RNF185: variants seen among roughly 807,000 people sequenced by gnomAD.
RNF185 encodes the protein E3 ubiquitin-protein ligase RNF185.
RNF185 carries 13 observed loss-of-function variants against 24.9 expected under a neutral mutation model. That is an observed-to-expected ratio of 0.52 (90% CI 0.34 to 0.83). The LOEUF is 0.83. Among genes scored for constraint, RNF185 ranks in the 40% least tolerant of loss-of-function variants. RNF185 has a pLI of 0.01. For synonymous variants in RNF185, 79 were observed against 90.3 expected (o/e 0.88, Z 0.71); for missense variants, 184 against 244.7 (o/e 0.75, Z 1.65).
Position 31,167,207 on chromosome 22 carries a change from A to G in RNF185, c.-49+6904A>G, listed in dbSNP as rs117802418. Among the ~76,000 whole-genome samples, 438 of 152,050 alleles carry G rather than the reference A, an allele frequency of 2.9e-3. 2 individuals carry two copies. The highest frequency in any genetic ancestry group is 0.022 in the South Asian group (104 of 4,808). On this transcript the variant is annotated intron_variant, in intron 1 of 6. Transcript: ENST00000326132. Reference sequence around the variant, plus strand: ...TAAATTTTTTTTGAGATAGGGTCTCACTCTGTGGCCTAGGCTGAAGTGTAG... The same window carrying G: ...TAAATTTTTTTTGAGATAGGGTCTCGCTCTGTGGCCTAGGCTGAAGTGTAG...
chr22:31,166,102 G>C (rs949398729), intron 1 of RNF185, among the ~76,000 whole-genome samples: 2 of 151,876 alleles, frequency 1.3e-5, no homozygotes, highest in Admixed American at 1.3e-4. Flanking sequence ...AGCAATTCTC[G>C]TGCCTCAGTT....
Position 31,182,538 on chromosome 22 carries a change from G to A in RNF185, c.-48-4509G>A, listed in dbSNP as rs2078699337. On this transcript the variant is annotated intron_variant, in intron 1 of 6. Coordinates refer to ENST00000326132, the MANE Select transcript of RNF185 (RefSeq NM_152267.4). The stretch of plus-strand genomic sequence containing the variant: ...TGGTCTCCACCTCCTGAGCTCAAGC[G>A]ATCCACCTACCTTGGCCTCCCAAAG... 2.0e-5 allele frequency among the ~76,000 whole-genome samples: 3 copies of A among 152,190 alleles called. No individual in the cohort carries two copies. The South Asian group carries it at 6.2e-4, about 32-fold the overall frequency.
At chr22:31,188,844 G>C (rs2048124848) in intron 2 of RNF185, among the ~76,000 whole-genome samples, 1 of 151,834 alleles carries the variant, frequency 6.6e-6, no homozygotes, top group South Asian at 2.1e-4. Flanking sequence ...TTCTGGGCTG[G>C]GCGCGGTGGC....
intron 1 of RNF185, among the ~76,000 whole-genome samples, chr22:31,172,439 G>C (rs1268831997): frequency 1.3e-5 from 2 of 150,556 alleles, no homozygotes; most frequent in Non-Finnish European, 2.9e-5. Context: ...GCTAGGCACT[G>C]TTTCATACTT....
At chr22:31,198,952 T>C (rs1250787733) in intron 5 of RNF185, among the ~76,000 whole-genome samples, 2 of 150,876 alleles carry the variant, frequency 1.3e-5, no homozygotes, top group Non-Finnish European at 3.0e-5. Context: ...ACATAAAAAT[T>C]AGCCGGGTGT....
chr22:31,174,852 C>T (rs2047965558), intron 1 of RNF185, among the ~76,000 whole-genome samples: 1 of 151,386 alleles, frequency 6.6e-6, no homozygotes, highest in South Asian at 2.1e-4. Flanking sequence ...GGCGGATCAC[C>T]TGAGGTCAGG....
chr22:31,195,863 G>A (rs1278756787), intron 4 of RNF185, among the ~76,000 whole-genome samples: 2 of 152,222 alleles, frequency 1.3e-5, no homozygotes, highest in Non-Finnish European at 2.9e-5. Context: ...AGCAGGAGAG[G>A]CTCCAGGGAG....
At chr22:31,162,312 G>C (rs907341141) in intron 1 of RNF185, among the ~76,000 whole-genome samples, 1 of 152,116 alleles carries the variant, frequency 6.6e-6, no homozygotes, top group African/African-American at 2.4e-5. Context: ...CAGGTACTGG[G>C]TAAAATGATC....
intron 1 of RNF185, among the ~76,000 whole-genome samples, chr22:31,162,575 G>T (rs1602777253): frequency 6.6e-6 from 1 of 151,344 alleles, no homozygotes; most frequent in East Asian, 1.9e-4. Flanking sequence ...TATAAGCCAA[G>T]ATAATAACTT....
intron 1 of RNF185, 94 bp from the exon 2 acceptor site, chr22:31,186,953 C>A: frequency 1.1e-6 from 1 of 886,396 alleles, no homozygotes; most frequent in Non-Finnish European, 1.8e-6. Context: ...CAGTCATAAT[C>A]AGCTCTGGAG....
At chr22:31,200,526 C>G (rs1360815202) in intron 5 of RNF185, among the ~76,000 whole-genome samples, 1 of 152,212 alleles carries the variant, frequency 6.6e-6, no homozygotes, top group Non-Finnish European at 1.5e-5. Context: ...TTTATATGTC[C>G]TAGTGCTTAA....
chr22:31,166,152 G>A lies in RNF185; in HGVS notation c.-49+5849G>A, dbSNP rs185749964. On this transcript the variant is annotated intron_variant, in intron 1 of 6. Coordinates refer to ENST00000326132, the MANE Select transcript of RNF185 (RefSeq NM_152267.4). Reference sequence around the variant, plus strand: ...ATTACAGGCAAGTGCCACCATGCCCGACTAATTTTTGTATTTTTAGTAGAG... The same window carrying A: ...ATTACAGGCAAGTGCCACCATGCCCAACTAATTTTTGTATTTTTAGTAGAG... 3.0e-4 allele frequency among the ~76,000 whole-genome samples: 45 copies of A among 151,978 alleles called. No homozygotes were observed. In the East Asian group the frequency reaches 8.0e-3, roughly 27 times the overall value.
intron 1 of RNF185, among the ~76,000 whole-genome samples, chr22:31,180,911 C>CTGTGTG (rs1480111783): frequency 3.5e-4 from 43 of 124,534 alleles, no homozygotes; most frequent in Admixed American, 6.2e-4. Context: ...TTTTCTCTCT[C>CTGTGTG]TCTCTGTGTG....
At chr22:31,204,355 A>C in intron 6 of RNF185, 134 bp from the exon 7 acceptor site, 1 of 647,470 alleles carries the variant, frequency 1.5e-6, no homozygotes, top group Non-Finnish European at 2.8e-6. Context: ...AAAAAAAAAA[A>C]AGAAATCTTT....
Position 31,195,585 on chromosome 22 carries a change from A to G in RNF185, c.308+4A>G. 2 of 1,586,150 alleles carry G rather than the reference A, an allele frequency of 1.3e-6. No individual in the cohort carries two copies. Among genetic ancestry groups the G allele is most frequent in the Non-Finnish European group, 1.7e-6 (2 of 1,161,788 alleles). On this transcript the variant is annotated splice_donor_region_variant and intron_variant, in intron 4 of 6. Coordinates refer to ENST00000326132, the MANE Select transcript of RNF185 (RefSeq NM_152267.4). ...GCACTGGGCAACAGGACCCCAGGTG[A>G]GGACTCAGGATGCCTCTCCCAACCA...
rs368526422 is a variant in RNF185, at chr22:31,204,837, C to A, written c.*251C>A. On this transcript the variant is annotated 3_prime_UTR_variant, in exon 7 of 7. Transcript: ENST00000326132. ...ATTGAGTCATCTCTCATGGGTGACA[C>A]CATGAAATCTTGTTTCAGCCAGTTC... 5.8e-5 allele frequency: 24 copies of A among 410,654 alleles called. No individual in the cohort carries two copies. Among genetic ancestry groups the A allele is most frequent in the East Asian group, 3.2e-4 (8 of 25,002 alleles). 25.4% of individuals were successfully genotyped at this position (410,654 alleles called of 1,614,324 possible). A position where few individuals can be genotyped will look rare whatever the true frequency, so the allele number is the denominator to read the frequency against.
At chr22:31,172,258 C>G (rs529803196) in intron 1 of RNF185, among the ~76,000 whole-genome samples, 1 of 152,180 alleles carries the variant, frequency 6.6e-6, no homozygotes, top group East Asian at 1.9e-4. Flanking sequence ...GAGGCTGAGG[C>G]GGGCAGATCA....
chr22:31,191,886 AT>A (rs924123897), intron 2 of RNF185, among the ~76,000 whole-genome samples: 37 of 145,146 alleles, frequency 2.5e-4, no homozygotes, highest in Admixed American at 4.9e-4. Context: ...TGTAGATATC[AT>A]TTTTTTTTTG....
intron 1 of RNF185, among the ~76,000 whole-genome samples, chr22:31,173,404 CACACACACACAG>C (rs1301417513): frequency 2.3e-5 from 2 of 87,792 alleles, no homozygotes; most frequent in African/African-American, 8.9e-5. Context: ...TCAACTCATT[CACACACACACAG>C]ACACACACAC....
Sources: gnomAD v4.1 joint callset for allele counts (sites outside exome capture counted in the v4.1 genomes callset) on GRCh38, gnomAD v4.1.1 for gene constraint, MANE v1.5 for transcripts, NCBI Gene and HGNC (gene_info 2026-07-23, HGNC 2026-07-21) for gene names.